The following CCDC91 variants were observed in gnomAD, a reference collection of about 807,000 sequenced individuals.
The protein encoded by CCDC91 is coiled-coil domain-containing protein 91.
CCDC91 carries 48 observed loss-of-function variants against 63.2 expected under a neutral mutation model. The ratio of observed to expected loss-of-function variants is 0.76; its 90% CI spans 0.60 to 0.97. CCDC91 has a LOEUF of 0.97. Among genes scored for constraint, CCDC91 ranks in the 50% least tolerant of loss-of-function variants. The probability of loss-of-function intolerance (pLI) is 0.00; values close to 1 mark genes in which losing one functional copy is unlikely to be tolerated. For synonymous variants in CCDC91, 167 were observed against 165.8 expected (o/e 1.01, Z -0.06); for missense variants, 500 against 494.6 (o/e 1.01, Z -0.10).
chr12:28,353,927 GA>G (rs1943352306), intron 6 of CCDC91, among the ~76,000 whole-genome samples: 1 of 152,048 alleles, frequency 6.6e-6, no homozygotes. Context: ...AGAGGATCAG[GA>G]AAAACAACGA....
chr12:28,408,162 G>A (rs1325619357), intron 8 of CCDC91, among the ~76,000 whole-genome samples: 3 of 151,948 alleles, frequency 2.0e-5, no homozygotes, highest in African/African-American at 7.2e-5. Flanking sequence ...AGGCCCTGGT[G>A]TGTGACGTTT....
chr12:28,532,531 G>T (rs1346189353), intron 12 of CCDC91, among the ~76,000 whole-genome samples: 1 of 152,030 alleles, frequency 6.6e-6, no homozygotes, highest in African/African-American at 2.4e-5. Flanking sequence ...GGGAGAGACA[G>T]AGGGATGAAT....
At chr12:28,385,235 T>G (rs1945529636) in intron 7 of CCDC91, among the ~76,000 whole-genome samples, 1 of 152,156 alleles carries the variant, frequency 6.6e-6, no homozygotes, top group African/African-American at 2.4e-5. Context: ...ACTTTATGAT[T>G]ATTTTGTATA....
At chr12:28,245,298 A>G (rs1271642272) in intron 1 of CCDC91, among the ~76,000 whole-genome samples, 1 of 152,170 alleles carries the variant, frequency 6.6e-6, no homozygotes, top group Admixed American at 6.5e-5. Flanking sequence ...AATAAATGTA[A>G]TCAGGAAAAA....
At chr12:28,324,502 A>G (rs1940804883) in intron 6 of CCDC91, among the ~76,000 whole-genome samples, 1 of 151,872 alleles carries the variant, frequency 6.6e-6, no homozygotes, top group Non-Finnish European at 1.5e-5. Context: ...CCTTTCACTC[A>G]GATTACTGTA....
chr12:28,381,663 A>G (rs1341522422), intron 7 of CCDC91, among the ~76,000 whole-genome samples: 5 of 152,156 alleles, frequency 3.3e-5, no homozygotes, highest in Admixed American at 6.6e-5. Context: ...CATCAAGTTC[A>G]AAGGTTACTG....
At chr12:28,232,939 C>T (rs949546014) in intron 1 of CCDC91, among the ~76,000 whole-genome samples, 3 of 148,618 alleles carry the variant, frequency 2.0e-5, no homozygotes, top group Non-Finnish European at 4.4e-5. Context: ...TGAGATTGCA[C>T]TCCAGCCTGG....
chr12:28,214,914 A>G (rs1286865544), intron 1 of CCDC91, among the ~76,000 whole-genome samples: 1 of 152,194 alleles, frequency 6.6e-6, no homozygotes, highest in African/African-American at 2.4e-5. Context: ...TTATGTGTCA[A>G]CTTGACTAGG....
In CCDC91 at chr12:28,271,159, A is replaced by G. The variant is rs2136378342; in HGVS notation, c.109+11717A>G. Among the ~76,000 whole-genome samples the G allele has an allele frequency of 1.3e-5, 2 of 152,242 alleles. 1 individual carries two copies. The highest frequency in any genetic ancestry group is 6.8e-3 in the Middle Eastern group (2 of 294). ...GTTCAACTCAGGATTAGCAAGGCAA[A>G]CGCCTATGATGTTAAGGGAGGCAGG... On this transcript the variant is annotated intron_variant, in intron 3 of 12. Coordinates refer to ENST00000536442, the MANE Select transcript of CCDC91 (RefSeq NM_018318.5).
intron 12 of CCDC91, among the ~76,000 whole-genome samples, chr12:28,537,652 G>C (rs1211483181): frequency 1.3e-5 from 2 of 152,150 alleles, no homozygotes; most frequent in Non-Finnish European, 2.9e-5. Context: ...GTCATAAAAG[G>C]ATTCAGAAAT....
rs1425386604 is a variant in CCDC91 at position 28,303,081 on chromosome 12, A to G, written c.110-2568A>G. ...AACAGGCACCAAAGGAGGAGTTTTA[A>G]GAAAAATGGAGGGTCATTATCATTC... On this transcript the variant is annotated intron_variant, in intron 3 of 12. Coordinates refer to ENST00000536442, the MANE Select transcript of CCDC91 (RefSeq NM_018318.5). 2.6e-5 allele frequency among the ~76,000 whole-genome samples: 4 copies of G among 152,100 alleles called. No homozygotes were observed. In the East Asian group the frequency reaches 7.7e-4, roughly 29 times the overall value.
chr12:28,233,019 G>C (rs1025804174), intron 1 of CCDC91, among the ~76,000 whole-genome samples: 1 of 151,210 alleles, frequency 6.6e-6, no homozygotes, highest in Admixed American at 6.6e-5. Context: ...TGTTTCAGGG[G>C]ATACATCTCA....
intron 12 of CCDC91, among the ~76,000 whole-genome samples, chr12:28,517,509 G>T (rs1286952761): frequency 6.6e-6 from 1 of 151,894 alleles, no homozygotes; most frequent in Non-Finnish European, 1.5e-5. Context: ...ACTAAACAAT[G>T]TTGTCAAATT....
chr12:28,414,810 C>A (rs1947538467), intron 8 of CCDC91, among the ~76,000 whole-genome samples: 1 of 151,998 alleles, frequency 6.6e-6, no homozygotes, highest in Non-Finnish European at 1.5e-5. Flanking sequence ...AGAAAAGAAA[C>A]ATAGAGCAAT....
intron 3 of CCDC91, among the ~76,000 whole-genome samples, chr12:28,268,394 C>T (rs2136329766): frequency 6.6e-6 from 1 of 152,136 alleles, no homozygotes; most frequent in African/African-American, 2.4e-5. Context: ...ACACCATACA[C>T]CTGGAAAATT....
chr12:28,471,421 T>TACC (rs1352777059), intron 11 of CCDC91, among the ~76,000 whole-genome samples: 1 of 152,176 alleles, frequency 6.6e-6, no homozygotes, highest in African/African-American at 2.4e-5. Context: ...GGAGGTACTC[T>TACC]ACCACAGCAA....
At chr12:28,229,194 CTT>C (rs532627199) in intron 1 of CCDC91, among the ~76,000 whole-genome samples, 14 of 142,280 alleles carry the variant, frequency 9.8e-5, no homozygotes, top group Admixed American at 2.8e-4. Context: ...GCTGCTGCTG[CTT>C]TTTTTTTTTT....
chr12:28,468,723 T>C (rs1950662029), intron 11 of CCDC91, among the ~76,000 whole-genome samples: 2 of 152,014 alleles, frequency 1.3e-5, no homozygotes, highest in Admixed American at 1.3e-4. Context: ...CAGCAGTATA[T>C]TAAATGATTA....
At chr12:28,407,375 A>G (rs1169234321) in intron 8 of CCDC91, among the ~76,000 whole-genome samples, 1 of 152,146 alleles carries the variant, frequency 6.6e-6, no homozygotes, top group Non-Finnish European at 1.5e-5. Flanking sequence ...ATTCTCTTTC[A>G]TGTATCTATT....
Sources: allele counts gnomAD v4.1 joint callset (sites outside exome capture counted in the v4.1 genomes callset), GRCh38; gene constraint gnomAD v4.1.1; transcripts MANE v1.5; gene names NCBI Gene and HGNC (gene_info 2026-07-23, HGNC 2026-07-21).